The following LARGE1 variants were observed in gnomAD, a reference collection of about 807,000 sequenced individuals.
The protein encoded by LARGE1 is xylosyl- and glucuronyltransferase LARGE1.
In LARGE1, 43 loss-of-function variants were observed where a neutral mutation model predicts 87.6. The observed-to-expected ratio is 0.49, with a 90% CI of 0.38 to 0.63. The LOEUF (loss-of-function observed/expected upper bound fraction) is 0.63. Ranked by LOEUF, LARGE1 falls within the 30% of genes least tolerant of loss-of-function variation. LARGE1 has a pLI of 0.00. For missense variants in LARGE1, 802 were observed against 1,000.2 expected (o/e 0.80, Z 2.67); for synonymous variants, 434 against 394.6 (o/e 1.10, Z -1.18).
At chr22:33,542,382 T>C (rs1469977188) in intron 6 of LARGE1, among the ~76,000 whole-genome samples, 1 of 151,718 alleles carries the variant, frequency 6.6e-6, no homozygotes, top group Non-Finnish European at 1.5e-5. Context: ...ACTCTGTGTC[T>C]CCATTCCTGC....
the LARGE1 span, among the ~76,000 whole-genome samples, chr22:33,157,035 C>T: frequency 1.5e-4 from 23 of 152,194 alleles, no homozygotes; most frequent in African/African-American, 5.5e-4. Flanking sequence ...CCTCTACAGC[C>T]ACATGGAACT....
chr22:33,304,363 G>A lies in LARGE1; in HGVS notation c.1596C>T (p.His532=). ...VLMSRHNVGY[H]IVYKEGQFYP... ...AGAACTGGCCCTCCTTGTACACGATGTGGTAGCCCACGTTGTGGCGGCTCA... is the reference window on the plus strand; with the variant it reads ...AGAACTGGCCCTCCTTGTACACGATATGGTAGCCCACGTTGTGGCGGCTCA... The change falls in exon 12 of 15, where the codon CAC becomes CAT. Residue 532 remains histidine, a synonymous_variant. Transcript: ENST00000397394. 1 of 1,614,292 alleles carries A rather than the reference G, an allele frequency of 6.2e-7. No individual in the cohort carries two copies. Among genetic ancestry groups the A allele is most frequent in the Non-Finnish European group, 8.5e-7 (1 of 1,180,052 alleles).
At chr22:33,788,489 G>T (rs1324359342) in intron 1 of LARGE1, among the ~76,000 whole-genome samples, 1 of 152,226 alleles carries the variant, frequency 6.6e-6, no homozygotes, top group Admixed American at 6.5e-5. Context: ...GTAACAGGCA[G>T]AGGTTGGAAC....
chr22:33,756,311 A>G (rs1393203988), intron 2 of LARGE1, among the ~76,000 whole-genome samples: 1 of 152,230 alleles, frequency 6.6e-6, no homozygotes, highest in Non-Finnish European at 1.5e-5. Context: ...TAGAGGTGGA[A>G]GGGCGAGCTA....
chr22:33,648,658 G>A (rs369505508), intron 3 of LARGE1, among the ~76,000 whole-genome samples: 1 of 152,194 alleles, frequency 6.6e-6, no homozygotes, highest in Non-Finnish European at 1.5e-5. Context: ...CTGAATGCCC[G>A]TTTTCATACA....
rs114099067 is a variant in LARGE1 at position 33,425,364 on chromosome 22, G to A, written c.892+6797C>T. ...TGAGAAGGTGTCCATGTGCAAACAA[G>A]AAAGTAAGTCCTCACCACACACTAG... On this transcript the variant is annotated intron_variant, in intron 7 of 14. Coordinates refer to ENST00000397394, the MANE Select transcript of LARGE1 (RefSeq NM_133642.5). Among the ~76,000 whole-genome samples the A allele has an allele frequency of 2.9e-3, 437 of 152,322 alleles. 1 individual carries two copies. Among genetic ancestry groups the A allele is most frequent in the African/African-American group, 0.01 (422 of 41,576 alleles).
chr22:33,246,961 T>A (rs1926788865), intron 11 of LARGE1, among the ~76,000 whole-genome samples: 1 of 152,036 alleles, frequency 6.6e-6, no homozygotes, highest in Non-Finnish European at 1.5e-5. Flanking sequence ...CAGAGAATAA[T>A]CAGTAGCCAA....
intron 10 of LARGE1, among the ~76,000 whole-genome samples, chr22:33,316,628 T>C (rs1332484283): frequency 6.6e-6 from 1 of 151,904 alleles, no homozygotes; most frequent in African/African-American, 2.4e-5. Flanking sequence ...GTAGTGCTAC[T>C]CAGGAGGCTG....
At chr22:33,622,490 T>C (rs1359202282) in intron 4 of LARGE1, among the ~76,000 whole-genome samples, 2 of 152,206 alleles carry the variant, frequency 1.3e-5, no homozygotes, top group Non-Finnish European at 2.9e-5. Flanking sequence ...TATAGTAGTA[T>C]GAAAATGGAC....
chr22:33,841,690 C>G (rs1462386993), intron 1 of LARGE1, among the ~76,000 whole-genome samples: 2 of 152,184 alleles, frequency 1.3e-5, no homozygotes, highest in Non-Finnish European at 2.9e-5. Flanking sequence ...TATGTCTCCC[C>G]CTGAAGCCCT....
chr22:33,201,659 A>T lies in LARGE1; in HGVS notation c.1731-34827T>A, dbSNP rs139707913. On this transcript the variant is annotated intron_variant, in intron 11 of 11. Coordinates refer to the LARGE1 transcript ENST00000608642. Reference sequence around the variant, plus strand: ...GACAGGAGGGAATTTGGGAAACAAGAAAAGCCCAGTGTGGCCTGAGTAAAG... The same window carrying T: ...GACAGGAGGGAATTTGGGAAACAAGTAAAGCCCAGTGTGGCCTGAGTAAAG... Among the ~76,000 whole-genome samples the T allele has an allele frequency of 2.1e-3, 325 of 152,308 alleles. 2 individuals are homozygous for T. The highest frequency in any genetic ancestry group is 7.6e-3 in the African/African-American group (316 of 41,566).
intron 1 of LARGE1, among the ~76,000 whole-genome samples, chr22:33,874,525 A>T (rs2064404882): frequency 6.6e-6 from 1 of 152,230 alleles, no homozygotes; most frequent in Non-Finnish European, 1.5e-5. Context: ...ATGGATTATA[A>T]AATAGAGTAT....
At chr22:33,395,177 C>T (rs184795588) in intron 7 of LARGE1, among the ~76,000 whole-genome samples, 40 of 144,376 alleles carry the variant, frequency 2.8e-4, no homozygotes, top group African/African-American at 9.6e-4. Context: ...TGCAGTGAGC[C>T]GAGATCGCGC....
At chr22:33,656,910 TA>T (rs1370586664) in intron 2 of LARGE1, 21 of 152,198 alleles carry the variant, frequency 1.4e-4, no homozygotes, top group African/African-American at 5.1e-4. Context: ...ACAAAGAAGG[TA>T]AATTGAAAAT....
At chr22:33,899,961 A>C (rs1215824485) in intron 1 of LARGE1, among the ~76,000 whole-genome samples, 1 of 152,186 alleles carries the variant, frequency 6.6e-6, no homozygotes, top group South Asian at 2.1e-4. Context: ...TTTTTGGCTT[A>C]TTTGTTTTGT....
chr22:33,791,640 T>A (rs2085827382), intron 1 of LARGE1, among the ~76,000 whole-genome samples: 1 of 152,208 alleles, frequency 6.6e-6, no homozygotes, highest in Admixed American at 6.5e-5. Flanking sequence ...TATTGGGCAC[T>A]TTATGGATAA....
At chr22:33,485,173 A>G (rs1170811990) in intron 6 of LARGE1, among the ~76,000 whole-genome samples, 3 of 150,458 alleles carry the variant, frequency 2.0e-5, no homozygotes, top group East Asian at 2.0e-4. Flanking sequence ...TTGGCCTCCC[A>G]AAGTGCTAGG....
At chr22:33,660,073 T>G (rs908447171) in intron 2 of LARGE1, among the ~76,000 whole-genome samples, 9 of 114,446 alleles carry the variant, frequency 7.9e-5, no homozygotes, top group Non-Finnish European at 1.4e-4. Flanking sequence ...TGTTTTGTTG[T>G]GTGTGTGTGT....
intron 1 of LARGE1, among the ~76,000 whole-genome samples, chr22:33,825,138 T>A (rs2062742889): frequency 1.3e-5 from 2 of 152,222 alleles, no homozygotes; most frequent in African/African-American, 4.8e-5. Context: ...CCCAGTTTGC[T>A]CTGCAGAGAA....
Sources: allele counts gnomAD v4.1 joint callset (sites outside exome capture counted in the v4.1 genomes callset), GRCh38; gene constraint gnomAD v4.1.1; transcripts MANE v1.5; gene names NCBI Gene and HGNC (gene_info 2026-07-23, HGNC 2026-07-21).